Variants in ASMTL observed in about 807,000 individuals in gnomAD.
ASMTL encodes the protein probable bifunctional dTTP/UTP pyrophosphatase/methyltransferase protein.
ASMTL carries 57 observed loss-of-function variants against 60.3 expected under a neutral mutation model. The observed-to-expected ratio is 0.95, with a 90% CI of 0.76 to 1.18. The LOEUF (loss-of-function observed/expected upper bound fraction) is 1.18, where lower values mean the gene tolerates loss of function less well. Among genes scored for constraint, ASMTL ranks in the 50% most tolerant of loss-of-function variants. The pLI is 0.00. For synonymous variants in ASMTL, 419 were observed against 373.0 expected (o/e 1.12, Z -1.42); for missense variants, 981 against 852.6 (o/e 1.15, Z -1.88).
intron 11 of ASMTL, among the ~76,000 whole-genome samples, chrX:1,416,762 CATGCACACACAGACGT>C (rs2090292221): frequency 1.1e-5 from 1 of 93,382 alleles, no homozygotes; most frequent in South Asian, 5.9e-4. Flanking sequence ...CACACAGACA[CATGCACACACAGACGT>C]ACACACAAGC....
Position 1,425,507 on chromosome X carries a change from C to A in ASMTL, c.1060+18G>T. On this transcript the variant is annotated intron_variant, in intron 8 of 12. Coordinates refer to ENST00000381317, the MANE Select transcript of ASMTL (RefSeq NM_004192.4). Reference sequence around the variant, plus strand: ...ACCTGCAAAGATCCTCAGAGCAAAACCCGCTGGGTCCTGTCACCTTGCTCT... The same window carrying A: ...ACCTGCAAAGATCCTCAGAGCAAAAACCGCTGGGTCCTGTCACCTTGCTCT... 6.2e-7 allele frequency: 1 copy of A among 1,605,554 alleles called. No homozygotes were observed. The highest frequency in any genetic ancestry group is 8.5e-7 in the Non-Finnish European group (1 of 1,175,068).
intron 1 of ASMTL, among the ~76,000 whole-genome samples, chrX:1,446,090 T>C (rs1349232375): frequency 3.3e-5 from 5 of 152,204 alleles, no homozygotes; most frequent in Admixed American, 6.5e-5. Flanking sequence ...CCTGTACACC[T>C]GGCTCTGCCT....
chrX:1,404,088 G>C (rs1569530257), intron 12 of ASMTL, among the ~76,000 whole-genome samples: 1 of 151,910 alleles, frequency 6.6e-6, no homozygotes, highest in East Asian at 1.9e-4. Flanking sequence ...GTACATGATG[G>C]GTAGGTAGGA....
intron 3 of ASMTL, among the ~76,000 whole-genome samples, chrX:1,438,061 G>A (rs1414993181): frequency 6.6e-6 from 1 of 151,430 alleles, no homozygotes; most frequent in Non-Finnish European, 1.5e-5. Flanking sequence ...GGCTAAGGTG[G>A]GCAGATCACT....
intron 6 of ASMTL, among the ~76,000 whole-genome samples, chrX:1,429,334 C>T (rs1170676055): frequency 1.3e-5 from 2 of 151,758 alleles, no homozygotes; most frequent in African/African-American, 4.8e-5. Context: ...GTAATCTCAG[C>T]CTCCCACGTA....
chrX:1,417,093 A>T (rs1264775176), intron 11 of ASMTL, among the ~76,000 whole-genome samples: 1 of 151,858 alleles, frequency 6.6e-6, no homozygotes, highest in Non-Finnish European at 1.5e-5. Context: ...ACATAGATGC[A>T]GACACACAGA....
chrX:1,435,538 C>A, intron 4 of ASMTL, 156 bp downstream of exon 4: 1 of 696,960 alleles, frequency 1.4e-6, no homozygotes. Context: ...ATAGTGCCTG[C>A]CTCCCTGCAT....
intron 8 of ASMTL, among the ~76,000 whole-genome samples, chrX:1,422,629 C>A (rs2090512389): frequency 6.6e-6 from 1 of 152,030 alleles, no homozygotes; most frequent in Non-Finnish European, 1.5e-5. Flanking sequence ...TTGGTGGAGA[C>A]CCGTATATGG....
rs768469115 is a variant in ASMTL, at chrX:1,450,946, C to T, written c.93+1802G>A. On this transcript the variant is annotated intron_variant, in intron 1 of 12. Coordinates refer to ENST00000381317, the MANE Select transcript of ASMTL (RefSeq NM_004192.4). ...CCCATTCCTAGGGGGTCCTGGCTCACTCTCCCCTCCCCCATCCCTAGGGGT... is the reference window on the plus strand; with the variant it reads ...CCCATTCCTAGGGGGTCCTGGCTCATTCTCCCCTCCCCCATCCCTAGGGGT... Among the ~76,000 whole-genome samples, 14 of 142,844 alleles carry T rather than the reference C, an allele frequency of 9.8e-5. No homozygotes were observed. The East Asian group carries it at 2.2e-3, about 22-fold the overall frequency. 93.7% of individuals were successfully genotyped at this position (142,844 alleles called of 152,430 possible).
intron 2 of ASMTL, 41 bp downstream of exon 2, chrX:1,442,145 A>G (rs369135183): frequency 3.1e-6 from 5 of 1,604,822 alleles, no homozygotes; most frequent in Non-Finnish European, 4.3e-6. Context: ...TCATCACAGC[A>G]AAGGAATTTT....
chrX:1,410,562 C>T (rs1395522303), intron 12 of ASMTL, among the ~76,000 whole-genome samples: 9 of 152,036 alleles, frequency 5.9e-5, no homozygotes, highest in African/African-American at 2.2e-4. Context: ...TAGAGGCGTG[C>T]ACCACTACGC....
In ASMTL at chrX:1,403,509, G is replaced by A. The variant is rs2089673186; in HGVS notation, c.1646-20C>T. On this transcript the variant is annotated intron_variant, in intron 12 of 12. Transcript: ENST00000381317. ...CGGCCCCTGAGGGAGACAGCAGAGAGCTGGAGTCCTGGCCAGCCAGGCGGG... is the reference window on the plus strand; with the variant it reads ...CGGCCCCTGAGGGAGACAGCAGAGAACTGGAGTCCTGGCCAGCCAGGCGGG... 6.2e-7 allele frequency: 1 copy of A among 1,609,582 alleles called. No individual in the cohort carries two copies. The highest frequency in any genetic ancestry group is 1.7e-5 in the Admixed American group (1 of 59,988).
At position 1,421,558 on chromosome X, in the gene ASMTL, C is replaced by G. The variant is rs2090484327; in HGVS notation, c.1245+100G>C. 5 of 1,310,314 alleles carry G rather than the reference C, an allele frequency of 3.8e-6. No individual in the cohort carries two copies. In the East Asian group the frequency reaches 9.3e-5, roughly 24 times the overall value. The allele number at this position is 1,310,314 out of a possible 1,614,324, so 81.2% of individuals were successfully genotyped here. On this transcript the variant is annotated intron_variant, in intron 9 of 12. Transcript: ENST00000381317. The stretch of plus-strand genomic sequence containing the variant: ...AGCCAAGCCTTTGGGATCTGTCAGA[C>G]TGGAGACAGACTGGTCAAGGTGCCT...
intron 11 of ASMTL, among the ~76,000 whole-genome samples, chrX:1,416,749 GCA>G (rs1244524446): frequency 2.3e-5 from 3 of 128,698 alleles, no homozygotes; most frequent in African/African-American, 8.8e-5. Flanking sequence ...AGTCAGTCAT[GCA>G]CACACAGACA....
intron 1 of ASMTL, 105 bp downstream of exon 1, chrX:1,452,643 G>C: frequency 1.1e-6 from 1 of 920,010 alleles, no homozygotes; most frequent in South Asian, 1.6e-5. Context: ...TAAGGGTCTC[G>C]GGTCACTCTC....
At chrX:1,445,647 G>A (rs751147598) in intron 1 of ASMTL, among the ~76,000 whole-genome samples, 42 of 152,044 alleles carry the variant, frequency 2.8e-4, no homozygotes, top group Non-Finnish European at 4.4e-4. Context: ...GCAAGAGACC[G>A]AGGACACGAG....
chrX:1,450,684 A>G lies in ASMTL; in HGVS notation c.93+2064T>C, dbSNP rs2091344178. On this transcript the variant is annotated intron_variant, in intron 1 of 12. Transcript: ENST00000381317. ...GGTCACTCTCCCCTCCCCCATCCCT[A>G]GGGGGTTCCGGGTCACACTCCCCAA... 4.7e-5 allele frequency among the ~76,000 whole-genome samples: 5 copies of G among 105,390 alleles called. No individual in the cohort carries two copies. The South Asian group carries it at 1.8e-3, about 38-fold the overall frequency. The allele number at this position is 105,390 out of a possible 152,430, so 69.1% of individuals were successfully genotyped here.
chrX:1,424,489 C>T (rs1432538538), intron 8 of ASMTL, among the ~76,000 whole-genome samples: 16 of 150,910 alleles, frequency 1.1e-4, no homozygotes, highest in Admixed American at 2.0e-4. Context: ...CCCATCCACA[C>T]GCCCACTCAT....
rs766005348 is a variant in ASMTL, at chrX:1,419,009, G to C, written c.1351C>G (p.Arg451Gly). The C allele has an allele frequency of 1.9e-6, 3 of 1,611,854 alleles. No individual in the cohort carries two copies. Among genetic ancestry groups the C allele is most frequent in the East Asian group, 2.2e-5 (1 of 44,880 alleles). Reference protein sequence around the residue: ...CQVATAFNLSRFSSACDVGGC... With the variant: ...CQVATAFNLSGFSSACDVGGC... ...CCCACGTCGCAGGCGGAGGAGAAGCGGGACAGATTGAAGGCCGTGGCCACC... is the reference window on the plus strand; with the variant it reads ...CCCACGTCGCAGGCGGAGGAGAAGCCGGACAGATTGAAGGCCGTGGCCACC... Residue 451 changes from arginine (R) to glycine (G), a missense_variant, in exon 10 of 13, where the codon CGC becomes GGC. Coordinates refer to ENST00000381317, the MANE Select transcript of ASMTL (RefSeq NM_004192.4).
Sources: gnomAD v4.1 joint callset for allele counts (sites outside exome capture counted in the v4.1 genomes callset) on GRCh38, gnomAD v4.1.1 for gene constraint, MANE v1.5 for transcripts, NCBI Gene and HGNC (gene_info 2026-07-23, HGNC 2026-07-21) for gene names.